The following CXADR variants were observed in gnomAD, a reference collection of about 807,000 sequenced individuals.
The protein encoded by CXADR is coxsackievirus and adenovirus receptor.
CXADR carries 20 observed loss-of-function variants against 40.3 expected under a neutral mutation model. The observed-to-expected ratio is 0.50, with a 90% CI of 0.35 to 0.72. The LOEUF (loss-of-function observed/expected upper bound fraction) is 0.72. CXADR is among the 30% of genes least tolerant of loss of function. The pLI is 0.01. For missense variants in CXADR, 332 were observed against 449.1 expected (o/e 0.74, Z 2.36); for synonymous variants, 150 against 161.3 (o/e 0.93, Z 0.53).
chr21:17,593,616 T>G (rs1177217792), downstream of CXADR: 1 of 161,460 alleles, frequency 6.2e-6, no homozygotes, highest in African/African-American at 2.4e-5. Context: ...ATACCCGTTC[T>G]TTTCCCCTTT....
chr21:17,594,470 A>T, downstream of CXADR: 1 of 1,024,184 alleles, frequency 9.8e-7, no homozygotes, highest in Non-Finnish European at 1.4e-6. Context: ...TCAGGTCTAA[A>T]TACATTAAAA....
Position 17,569,219 on chromosome 21 carries a change from T to A in CXADR, c.*3527T>A. The A allele has an allele frequency of 1.0e-6, 1 of 985,382 alleles. No individual in the cohort carries two copies. The highest frequency in any genetic ancestry group is 1.2e-6 in the Non-Finnish European group (1 of 829,914). The allele number at this position is 985,382 out of a possible 1,614,324, so 61.0% of individuals were successfully genotyped here. A position where few individuals can be genotyped will look rare whatever the true frequency, so the allele number is the denominator to read the frequency against. On this transcript the variant is annotated 3_prime_UTR_variant, in exon 7 of 7. Coordinates refer to ENST00000284878, the MANE Select transcript of CXADR (RefSeq NM_001338.5). Reference sequence around the variant, plus strand: ...TTTCTTCTAATTTTCACTTCAGCAGTGTTTAGGGCTTTCAGATGCCTTATT... The same window carrying A: ...TTTCTTCTAATTTTCACTTCAGCAGAGTTTAGGGCTTTCAGATGCCTTATT...
At chr21:17,614,415 G>T in the CXADR span, among the ~76,000 whole-genome samples, 1 of 152,052 alleles carries the variant, frequency 6.6e-6, no homozygotes, top group African/African-American at 2.4e-5. Context: ...AAAAATACAG[G>T]CAAGAACCTG....
chr21:17,586,401 G>A (rs1332180738), intron 7 of CXADR, among the ~76,000 whole-genome samples: 2 of 145,372 alleles, frequency 1.4e-5, no homozygotes, highest in East Asian at 2.0e-4. Flanking sequence ...TATATAATGT[G>A]TATATATATA....
chr21:17,634,179 C>T, the CXADR span, among the ~76,000 whole-genome samples: 1 of 152,100 alleles, frequency 6.6e-6, no homozygotes, highest in Non-Finnish European at 1.5e-5. Flanking sequence ...AGCTCATGAA[C>T]CCAAGAGTAT....
chr21:17,546,489 G>A (rs2060898391), intron 1 of CXADR, among the ~76,000 whole-genome samples: 2 of 152,232 alleles, frequency 1.3e-5, no homozygotes, highest in Admixed American at 1.3e-4. Flanking sequence ...CGAAGGGGAG[G>A]CAGGCACGTC....
At chr21:17,588,738 T>C (rs1272699967) in intron 7 of CXADR, among the ~76,000 whole-genome samples, 1 of 152,160 alleles carries the variant, frequency 6.6e-6, no homozygotes, top group African/African-American at 2.4e-5. Flanking sequence ...GGAAAAATAC[T>C]CTCTGCTCAT....
At position 17,520,309 on chromosome 21, in the gene CXADR, A is replaced by G. The variant is rs139272713; in HGVS notation, c.43+7137A>G. ...AAGACATAGAGATCTGAAGGGTTTG[A>G]TATGTCTTGGGAGTTGAGTAGTTCA... On this transcript the variant is annotated intron_variant, in intron 1 of 6. Coordinates refer to ENST00000284878, the MANE Select transcript of CXADR (RefSeq NM_001338.5). Among the ~76,000 whole-genome samples, 483 of 152,282 alleles carry G rather than the reference A, an allele frequency of 3.2e-3. 1 individual carries two copies. The highest frequency in any genetic ancestry group is 8.6e-3 in the Admixed American group (132 of 15,292).
intron 1 of CXADR, among the ~76,000 whole-genome samples, chr21:17,533,835 AC>A (rs974471511): frequency 8.6e-5 from 13 of 151,648 alleles, no homozygotes; most frequent in East Asian, 7.7e-4. Flanking sequence ...AAGTGTGTAT[AC>A]TTATGCCATT....
At chr21:17,603,094 A>G in the CXADR span, among the ~76,000 whole-genome samples, 1 of 152,214 alleles carries the variant, frequency 6.6e-6, no homozygotes, top group African/African-American at 2.4e-5. Flanking sequence ...TTAAGAAACC[A>G]CACAACTAAC....
chr21:17,532,761 C>G lies in CXADR; in HGVS notation c.44-14266C>G, dbSNP rs146002182. On this transcript the variant is annotated intron_variant, in intron 1 of 6. Coordinates refer to ENST00000284878, the MANE Select transcript of CXADR (RefSeq NM_001338.5). ...TAGCTACTATTTATTGAAGAGTGAA[C>G]ACCAGGATGTGCTGCAGCTGTTCTA... Among the ~76,000 whole-genome samples the G allele has an allele frequency of 5.3e-5, 8 of 152,312 alleles. No individual in the cohort carries two copies. In the East Asian group the frequency reaches 1.5e-3, roughly 29 times the overall value.
Position 17,566,217 on chromosome 21 carries a change from A to G in CXADR, c.*525A>G, listed in dbSNP as rs2123333804. On this transcript the variant is annotated 3_prime_UTR_variant, in exon 7 of 7. Transcript: ENST00000284878. ...CTCCTTTGAAAACTCTGTGTTTGGAATATCTCTAAAAACATAGAAAACACT... is the reference window on the plus strand; with the variant it reads ...CTCCTTTGAAAACTCTGTGTTTGGAGTATCTCTAAAAACATAGAAAACACT... The G allele has an allele frequency of 9.2e-6, 9 of 979,942 alleles. No homozygotes were observed. In the South Asian group the frequency reaches 3.3e-4, roughly 36 times the overall value. The allele number at this position is 979,942 out of a possible 1,614,324, so 60.7% of individuals were successfully genotyped here.
chr21:17,613,072 G>A, the CXADR span: 1 of 151,932 alleles, frequency 6.6e-6, no homozygotes, highest in Admixed American at 6.5e-5. Context: ...AGCCGCACGG[G>A]AGGCGACACA....
At chr21:17,633,845 A>G in the CXADR span, among the ~76,000 whole-genome samples, 1 of 152,302 alleles carries the variant, frequency 6.6e-6, no homozygotes, top group East Asian at 1.9e-4. Context: ...TGAAGAAGGT[A>G]TTTAACCTTC....
At chr21:17,590,929 C>A (rs1050774569) in intron 7 of CXADR, among the ~76,000 whole-genome samples, 1 of 152,010 alleles carries the variant, frequency 6.6e-6, no homozygotes, top group Non-Finnish European at 1.5e-5. Flanking sequence ...GATGATCAGC[C>A]AGCTCCCTCT....
chr21:17,608,785 G>C, the CXADR span: 2 of 531,162 alleles, frequency 3.8e-6, no homozygotes, highest in Non-Finnish European at 3.1e-6. Flanking sequence ...CAGGCAGTGG[G>C]ACTCCACCAC....
At chr21:17,618,855 A>G in the CXADR span, among the ~76,000 whole-genome samples, 2 of 152,178 alleles carry the variant, frequency 1.3e-5, no homozygotes, top group African/African-American at 4.8e-5. Context: ...TTCTTAAATA[A>G]TAAGACTTGA....
intron 7 of CXADR, among the ~76,000 whole-genome samples, chr21:17,578,107 T>C (rs892326377): frequency 6.6e-6 from 1 of 152,182 alleles, no homozygotes; most frequent in African/African-American, 2.4e-5. Context: ...CCCTTCAATA[T>C]CTTAATTTCA....
chr21:17,555,206 T>C (rs1389583718), intron 3 of CXADR, among the ~76,000 whole-genome samples: 1 of 152,146 alleles, frequency 6.6e-6, no homozygotes, highest in Non-Finnish European at 1.5e-5. Context: ...CAGAGTTGTT[T>C]TGAAGAGCAG....
Sources: gnomAD v4.1 joint callset for allele counts (sites outside exome capture counted in the v4.1 genomes callset) on GRCh38, gnomAD v4.1.1 for gene constraint, MANE v1.5 for transcripts, NCBI Gene and HGNC (gene_info 2026-07-23, HGNC 2026-07-21) for gene names.